ARHGEF28: variants seen among roughly 807,000 people sequenced by gnomAD.
The protein encoded by ARHGEF28 is Rho guanine nucleotide exchange factor 28, also known as 190 kDa guanine nucleotide exchange factor.
A neutral mutation model predicts 206.6 loss-of-function variants in ARHGEF28; 152 were observed. That is an observed-to-expected ratio of 0.74 (90% confidence interval 0.64 to 0.84). The LOEUF (loss-of-function observed/expected upper bound fraction) is 0.84. Ranked by LOEUF, ARHGEF28 falls within the 40% of genes least tolerant of loss-of-function variation. The probability of loss-of-function intolerance (pLI) is 0.00; values close to 1 mark genes in which losing one functional copy is unlikely to be tolerated. For missense variants in ARHGEF28, 2,028 were observed against 2,073.2 expected (o/e 0.98, Z 0.42); for synonymous variants, 763 against 776.4 (o/e 0.98, Z 0.29).
intron 1 of ARHGEF28, among the ~76,000 whole-genome samples, chr5:73,639,004 G>A (rs1228573866): frequency 6.6e-6 from 1 of 151,926 alleles, no homozygotes; most frequent in Non-Finnish European, 1.5e-5. Context: ...GTGTTTGTAT[G>A]CAAATCTAAG....
At position 73,909,913 on chromosome 5, in the gene ARHGEF28, G is replaced by A. The variant is rs2112726580; in HGVS notation, c.4647+16G>A. 3 of 1,486,504 alleles carry A rather than the reference G, an allele frequency of 2.0e-6. No individual in the cohort carries two copies. The highest frequency in any genetic ancestry group is 2.7e-6 in the Non-Finnish European group (3 of 1,127,326). The allele number at this position is 1,486,504 out of a possible 1,614,324, so 92.1% of individuals were successfully genotyped here. A position where few individuals can be genotyped will look rare whatever the true frequency, so the allele number is the denominator to read the frequency against. On this transcript the variant is annotated intron_variant, in intron 34 of 35. Transcript: ENST00000513042. ...TGGCCCCGAGGTATGGACCTTCTGC[G>A]GTGCTGTGAGGCAGCCTCTCAAAGA...
chr5:73,748,975 A>T (rs1442426064), intron 2 of ARHGEF28, among the ~76,000 whole-genome samples: 1 of 152,114 alleles, frequency 6.6e-6, no homozygotes, highest in Non-Finnish European at 1.5e-5. Context: ...GGATGATGAA[A>T]TACCCGAGAG....
chr5:73,929,790 A>G (rs1764005298), intron 35 of ARHGEF28, among the ~76,000 whole-genome samples: 2 of 152,186 alleles, frequency 1.3e-5, no homozygotes, highest in Admixed American at 1.3e-4. Context: ...GTTGGTGGAT[A>G]TGATTTCCAC....
chr5:73,785,700 C>G (rs112198295), intron 7 of ARHGEF28, among the ~76,000 whole-genome samples: 2 of 152,184 alleles, frequency 1.3e-5, no homozygotes, highest in Non-Finnish European at 2.9e-5. Context: ...AAACGCTCTG[C>G]ATTTGCTAAC....
At chr5:73,652,212 C>T (rs1744880628) in intron 1 of ARHGEF28, among the ~76,000 whole-genome samples, 1 of 152,048 alleles carries the variant, frequency 6.6e-6, no homozygotes, top group Non-Finnish European at 1.5e-5. Flanking sequence ...TTGAGAAGGT[C>T]ACACTAGTGG....
chr5:73,870,763 G>A (rs1218234886), intron 21 of ARHGEF28, among the ~76,000 whole-genome samples: 3 of 152,184 alleles, frequency 2.0e-5, no homozygotes, highest in Non-Finnish European at 4.4e-5. Context: ...ATTTTGTCAT[G>A]CTATTTGGGA....
chr5:73,752,445 G>A (rs1580568110), intron 3 of ARHGEF28, among the ~76,000 whole-genome samples: 1 of 152,178 alleles, frequency 6.6e-6, no homozygotes, highest in East Asian at 1.9e-4. Flanking sequence ...CACATTCAAA[G>A]GAGCTCTATG....
At chr5:73,920,433 CT>C (rs113858012) in intron 35 of ARHGEF28, among the ~76,000 whole-genome samples, 18 of 150,410 alleles carry the variant, frequency 1.2e-4, no homozygotes, top group South Asian at 1.0e-3. Flanking sequence ...TAGAGATCAT[CT>C]TTTTTTTATT....
chr5:73,652,567 C>T (rs1744901265), intron 1 of ARHGEF28, among the ~76,000 whole-genome samples: 1 of 152,054 alleles, frequency 6.6e-6, no homozygotes. Context: ...AGTTGAGAAG[C>T]ATAATAAGAA....
At chr5:73,656,403 C>G (rs1745203136) in intron 1 of ARHGEF28, among the ~76,000 whole-genome samples, 1 of 152,202 alleles carries the variant, frequency 6.6e-6, no homozygotes, top group East Asian at 1.9e-4. Flanking sequence ...TTCCCTATCT[C>G]TGCTAGTGGC....
intron 2 of ARHGEF28, among the ~76,000 whole-genome samples, chr5:73,695,899 A>G (rs1371944248): frequency 6.6e-6 from 1 of 151,990 alleles, no homozygotes; most frequent in Non-Finnish European, 1.5e-5. Context: ...AGTCCTCTCT[A>G]CCCTAGTGGA....
chr5:73,784,894 G>A (rs1754065400), intron 7 of ARHGEF28, among the ~76,000 whole-genome samples: 1 of 152,078 alleles, frequency 6.6e-6, no homozygotes, highest in African/African-American at 2.4e-5. Flanking sequence ...AAGGTTACTT[G>A]GACATAAGCA....
chr5:73,762,365 A>T (rs1752646185), intron 4 of ARHGEF28, among the ~76,000 whole-genome samples: 1 of 149,330 alleles, frequency 6.7e-6, no homozygotes, highest in South Asian at 2.2e-4. Flanking sequence ...CTGAGGCAGG[A>T]GAATTGCATG....
chr5:73,806,348 AGATATACTATCTATC>A (rs1161150638), intron 9 of ARHGEF28, among the ~76,000 whole-genome samples: 1 of 122,580 alleles, frequency 8.2e-6, no homozygotes, highest in African/African-American at 3.3e-5. Flanking sequence ...TATACTATGT[AGATATACTATCTATC>A]TATATATACT....
At chr5:73,769,166 A>C (rs555940277) in intron 4 of ARHGEF28, among the ~76,000 whole-genome samples, 1 of 152,134 alleles carries the variant, frequency 6.6e-6, no homozygotes, top group Non-Finnish European at 1.5e-5. Flanking sequence ...TATCAGAAAA[A>C]ATATTTTACC....
intron 2 of ARHGEF28, among the ~76,000 whole-genome samples, chr5:73,723,418 C>T (rs1369436290): frequency 6.6e-6 from 1 of 152,170 alleles, no homozygotes; most frequent in Non-Finnish European, 1.5e-5. Context: ...AATCTCTTGA[C>T]CTCATGATCT....
intron 7 of ARHGEF28, among the ~76,000 whole-genome samples, chr5:73,783,386 A>ATG (rs370021440): frequency 0.016 from 604 of 38,762 alleles, 4 homozygotes; most frequent in African/African-American, 0.032. Flanking sequence ...GTGTGTGTGT[A>ATG]TGTGTGTGTG....
chr5:73,828,120 T>C (rs1579949489), intron 9 of ARHGEF28: 3 of 152,118 alleles, frequency 2.0e-5, no homozygotes, highest in East Asian at 3.9e-4. Flanking sequence ...GGCTGAAACA[T>C]GGTAGAGCAA....
intron 12 of ARHGEF28, among the ~76,000 whole-genome samples, chr5:73,848,131 G>A (rs1464792598): frequency 6.6e-6 from 1 of 152,178 alleles, no homozygotes; most frequent in Non-Finnish European, 1.5e-5. Flanking sequence ...TGCATGGGCA[G>A]GATCAGTCCT....
Sources: gnomAD v4.1 joint callset for allele counts (sites outside exome capture counted in the v4.1 genomes callset) on GRCh38, gnomAD v4.1.1 for gene constraint, MANE v1.5 for transcripts, NCBI Gene and HGNC (gene_info 2026-07-23, HGNC 2026-07-21) for gene names.